Variants in DCBLD1 observed in about 807,000 individuals in gnomAD.
DCBLD1 encodes discoidin, CUB and LCCL domain containing 1.
In DCBLD1, 57 loss-of-function variants were observed where a neutral mutation model predicts 71.5. The observed-to-expected ratio is 0.80, with a 90% confidence interval of 0.64 to 0.99. The LOEUF (loss-of-function observed/expected upper bound fraction) is 0.99. Ranked by LOEUF, DCBLD1 falls within the 50% of genes least tolerant of loss-of-function variation. The pLI is 0.00. For synonymous variants in DCBLD1, 380 were observed against 363.8 expected (o/e 1.04, Z -0.51); for missense variants, 891 against 923.5 (o/e 0.96, Z 0.46).
intron 14 of DCBLD1, among the ~76,000 whole-genome samples, chr6:117,555,965 G>A (rs1169415934): frequency 1.3e-5 from 2 of 152,296 alleles, no homozygotes; most frequent in Middle Eastern, 3.4e-3. Context: ...TTAACTAGCT[G>A]TGTGACCCTG....
Position 117,538,714 on chromosome 6 carries a change from G to C in DCBLD1, c.855G>C (p.Trp285Cys). ...SVNESGDQVHWSPGQARLQDQ... is the reference protein window; with the variant it reads ...SVNESGDQVHCSPGQARLQDQ... ...ATGAGAGTGGAGACCAAGTTCACTG[G>C]TCTCCTGGCCAAGCCCGACTTCAGG... Residue 285 changes from tryptophan (W) to cysteine (C), a missense_variant, in exon 8 of 15, where the codon TGG (tryptophan) becomes TGC (cysteine). Trp to Cys is a radical substitution (Grantham distance 215, BLOSUM62 -2). Transcript: ENST00000338728. The C allele has an allele frequency of 6.2e-7, 1 of 1,614,176 alleles. No individual in the cohort carries two copies. The highest frequency in any genetic ancestry group is 8.5e-7 in the Non-Finnish European group (1 of 1,180,042).
At chr6:117,545,373 G>C in intron 13 of DCBLD1, 105 bp from the exon 14 acceptor site, 1 of 1,482,392 alleles carries the variant, frequency 6.7e-7, no homozygotes, top group Non-Finnish European at 9.2e-7. Context: ...ATCACTGTCA[G>C]CTGTCAGGAG....
chr6:117,509,622 G>A (rs796314679), intron 2 of DCBLD1, among the ~76,000 whole-genome samples: 16 of 151,498 alleles, frequency 1.1e-4, no homozygotes, highest in African/African-American at 2.4e-4. Context: ...CTTCCCAGCC[G>A]CCTCTTCTTC....
At chr6:117,525,574 G>T in intron 5 of DCBLD1, 140 bp downstream of exon 5, 1 of 561,630 alleles carries the variant, frequency 1.8e-6, no homozygotes, top group African/African-American at 1.9e-5. Flanking sequence ...GAGAATAAAT[G>T]AAATAAGTAT....
At chr6:117,490,321 T>G (rs1777248125) in intron 1 of DCBLD1, among the ~76,000 whole-genome samples, 1 of 151,958 alleles carries the variant, frequency 6.6e-6, no homozygotes, top group African/African-American at 2.4e-5. Context: ...ATTGAAAGTT[T>G]TTTATTACTT....
chr6:117,543,323 A>G (rs1779163915), intron 12 of DCBLD1, 112 bp downstream of exon 12: 2 of 836,504 alleles, frequency 2.4e-6, no homozygotes, highest in Non-Finnish European at 2.0e-6. Context: ...GCTTCTTTCA[A>G]AATAAAATGT....
At chr6:117,504,464 A>G (rs1203760846) in intron 2 of DCBLD1, among the ~76,000 whole-genome samples, 2 of 152,172 alleles carry the variant, frequency 1.3e-5, no homozygotes, top group Admixed American at 6.5e-5. Context: ...AATAATGAAA[A>G]CGAAGGCATC....
chr6:117,488,731 G>A (rs1777177460), intron 1 of DCBLD1, among the ~76,000 whole-genome samples: 1 of 152,204 alleles, frequency 6.6e-6, no homozygotes, highest in Admixed American at 6.5e-5. Flanking sequence ...ACTGCCATGA[G>A]TGAGGGGCCG....
At chr6:117,512,571 A>C (rs937117150) in intron 2 of DCBLD1, among the ~76,000 whole-genome samples, 2 of 152,154 alleles carry the variant, frequency 1.3e-5, no homozygotes, top group African/African-American at 4.8e-5. Context: ...GCATTTCTGG[A>C]GATTGTTTTA....
intron 5 of DCBLD1, 126 bp downstream of exon 5, chr6:117,525,560 C>A: frequency 1.6e-6 from 1 of 612,776 alleles, no homozygotes. Context: ...AGTCTCTCTC[C>A]TCTGAGAATA....
Position 117,537,171 on chromosome 6 carries a change from CTTTA to C in DCBLD1, c.720-11_720-8del, listed in dbSNP as rs1461406461. The C allele has an allele frequency of 2.5e-6, 4 of 1,613,892 alleles. No individual in the cohort carries two copies. The South Asian group carries it at 4.4e-5, about 18-fold the overall frequency. ...GAGCAACTTACCTTCTCATGTTTGT[CTTTA>C]TTGTTTCAGTGGTTCCCTGTCAGAC... is the stretch of plus-strand genomic sequence containing the variant. On this transcript the variant is annotated splice_polypyrimidine_tract_variant and intron_variant, in intron 6 of 14. Transcript: ENST00000338728.
At chr6:117,510,148 C>T (rs1562440349) in intron 2 of DCBLD1, among the ~76,000 whole-genome samples, 1 of 152,146 alleles carries the variant, frequency 6.6e-6, no homozygotes, top group Non-Finnish European at 1.5e-5. Flanking sequence ...AGCGTTGATG[C>T]ATCATCTTGC....
rs187635681 is a variant in DCBLD1, at chr6:117,508,878, T to C, written c.325+4899T>C. On this transcript the variant is annotated intron_variant, in intron 2 of 14. Transcript: ENST00000338728. The stretch of plus-strand genomic sequence containing the variant: ...AGGGTCTCAAAGGAGGTTGTTCTGA[T>C]GGAGACTTCTAGACGTTACCACCTG... 2.2e-4 allele frequency among the ~76,000 whole-genome samples: 34 copies of C among 152,308 alleles called. No individual in the cohort carries two copies. The East Asian group carries it at 5.8e-3, about 26-fold the overall frequency.
chr6:117,566,847 T>C lies in DCBLD1; in HGVS notation c.1616-2773T>C, dbSNP rs747709071. Reference sequence around the variant, plus strand: ...ATGTTAATAATAATTTTTAGAGTGATTTTTACCTTGTAATACTTTGATTTC... The same window carrying C: ...ATGTTAATAATAATTTTTAGAGTGACTTTTACCTTGTAATACTTTGATTTC... On this transcript the variant is annotated intron_variant, in intron 14 of 14. Transcript: ENST00000296955. The C allele has an allele frequency of 6.5e-6, 10 of 1,535,108 alleles. No homozygotes were observed. The South Asian group carries it at 1.3e-4, about 20-fold the overall frequency.
chr6:117,540,866 T>C, intron 10 of DCBLD1, 51 bp downstream of exon 10: 1 of 1,613,968 alleles, frequency 6.2e-7, no homozygotes, highest in Non-Finnish European at 8.5e-7. Flanking sequence ...CATATTTTTT[T>C]TCGCCTATCA....
Position 117,549,676 on chromosome 6 carries a change from TGGG to T in DCBLD1, c.*1240_*1242del, listed in dbSNP as rs1779392121. ...GTGAAATGTATATATGTTAAAATAA[TGGG>T]GGTGCTGGAAGGTCATGGCAGACTA... On this transcript the variant is annotated 3_prime_UTR_variant, in exon 15 of 15. Coordinates refer to ENST00000338728, the MANE Select transcript of DCBLD1 (RefSeq NM_001366458.2). The T allele has an allele frequency of 2.0e-6, 2 of 985,302 alleles. No individual in the cohort carries two copies. The highest frequency in any genetic ancestry group is 2.4e-6 in the Non-Finnish European group (2 of 829,948). The allele number at this position is 985,302 out of a possible 1,614,324, so 61.0% of individuals were successfully genotyped here.
intron 2 of DCBLD1, among the ~76,000 whole-genome samples, chr6:117,509,897 A>G (rs995701472): frequency 1.7e-4 from 26 of 152,174 alleles, no homozygotes; most frequent in African/African-American, 6.3e-4. Context: ...GAGAACACAT[A>G]TTCTCCAAGC....
chr6:117,540,610 A>G (rs1200697366), intron 9 of DCBLD1, 58 bp from the exon 10 acceptor site: 13 of 1,601,396 alleles, frequency 8.1e-6, no homozygotes, highest in African/African-American at 1.3e-5. Context: ...AAGTGGGATG[A>G]TAAACACCTA....
In DCBLD1 at chr6:117,524,260, C is replaced by T. The variant is rs182571243; in HGVS notation, c.513-1102C>T. On this transcript the variant is annotated intron_variant, in intron 4 of 14. Coordinates refer to ENST00000338728, the MANE Select transcript of DCBLD1 (RefSeq NM_001366458.2). ...TGGTCCCCAGGCTGGAGTACAGTGG[C>T]GCAATCTGGTCTCACTGCAAACTCC... Among the ~76,000 whole-genome samples, 108 of 149,936 alleles carry T rather than the reference C, an allele frequency of 7.2e-4. 1 individual carries two copies. The highest frequency in any genetic ancestry group is 6.0e-3 in the Admixed American group (90 of 14,966).
Sources: allele counts gnomAD v4.1 joint callset (sites outside exome capture counted in the v4.1 genomes callset), GRCh38; gene constraint gnomAD v4.1.1; transcripts MANE v1.5; gene names NCBI Gene and HGNC (gene_info 2026-07-23, HGNC 2026-07-21).